The following ST3GAL6 variants were observed in gnomAD, a reference collection of about 807,000 sequenced individuals.
ST3GAL6 encodes the protein type 2 lactosamine alpha-2,3-sialyltransferase.
A neutral mutation model predicts 40.5 loss-of-function variants in ST3GAL6; 31 were observed. That is an observed-to-expected ratio of 0.77 (90% CI 0.58 to 1.03). ST3GAL6 has a LOEUF of 1.03. Among genes scored for constraint, ST3GAL6 ranks in the 50% least tolerant of loss-of-function variants. ST3GAL6 has a pLI of 0.00. For missense variants in ST3GAL6, 357 were observed against 393.2 expected, an observed-to-expected ratio of 0.91 and a Z score of 0.78; for synonymous variants, 129 against 136.9, an observed-to-expected ratio of 0.94 and a Z score of 0.40.
chr3:98,734,696 A>T (rs377656068), intron 1 of ST3GAL6, among the ~76,000 whole-genome samples: 12 of 152,294 alleles, frequency 7.9e-5, no homozygotes, highest in Middle Eastern at 3.4e-3. Context: ...ATAATAATAA[A>T]AAACCTTTGA....
intron 1 of ST3GAL6, among the ~76,000 whole-genome samples, chr3:98,764,597 C>T (rs1203203889): frequency 6.6e-6 from 1 of 152,166 alleles, no homozygotes; most frequent in Non-Finnish European, 1.5e-5. Flanking sequence ...TGTGAAAGCT[C>T]ACATCTAGGG....
At chr3:98,760,881 A>T (rs888585428), upstream of ST3GAL6, among the ~76,000 whole-genome samples, 1 of 152,262 alleles carries the variant, frequency 6.6e-6, no homozygotes, top group Non-Finnish European at 1.5e-5. Context: ...GATGCTATTT[A>T]GCAACAAAAA....
chr3:98,790,132 C>T (rs544424897), intron 8 of ST3GAL6, among the ~76,000 whole-genome samples: 2 of 152,120 alleles, frequency 1.3e-5, no homozygotes, highest in East Asian at 1.9e-4. Context: ...GAACAAGGAT[C>T]GTAGAAATGA....
intron 5 of ST3GAL6, chr3:98,782,963 C>T (rs1449426277): frequency 3.0e-6 from 1 of 335,224 alleles, no homozygotes; most frequent in Non-Finnish European, 5.9e-6. Flanking sequence ...TGGAAATGCT[C>T]AGAAGGTGCC....
intron 5 of ST3GAL6, chr3:98,782,287 C>A: frequency 1.4e-6 from 1 of 703,478 alleles, no homozygotes; most frequent in Non-Finnish European, 2.6e-6. Context: ...TTTTCCCAGT[C>A]ACTTTCAGAA....
intron 1 of ST3GAL6, among the ~76,000 whole-genome samples, chr3:98,742,012 C>G (rs1043967811): frequency 6.6e-6 from 1 of 152,128 alleles, no homozygotes; most frequent in Non-Finnish European, 1.5e-5. Flanking sequence ...GGCCTCGAAC[C>G]TTTCAGTACC....
chr3:98,757,531 G>A (rs1937512867), intron 1 of ST3GAL6, among the ~76,000 whole-genome samples: 2 of 152,136 alleles, frequency 1.3e-5, no homozygotes, highest in African/African-American at 2.4e-5. Context: ...TTGGTGATTT[G>A]TAAAGCTGTT....
intron 1 of ST3GAL6, among the ~76,000 whole-genome samples, chr3:98,739,987 C>T (rs1252090828): frequency 6.6e-6 from 1 of 152,126 alleles, no homozygotes; most frequent in Non-Finnish European, 1.5e-5. Flanking sequence ...AGATAAAGGA[C>T]ATTGCTGTCA....
chr3:98,746,719 A>T (rs1412401270), intron 1 of ST3GAL6, among the ~76,000 whole-genome samples: 6 of 152,016 alleles, frequency 3.9e-5, no homozygotes, highest in African/African-American at 1.4e-4. Flanking sequence ...ATGCAATATT[A>T]TTTATTTTAT....
chr3:98,746,931 T>C (rs1008093402), intron 1 of ST3GAL6, among the ~76,000 whole-genome samples: 2 of 152,224 alleles, frequency 1.3e-5, no homozygotes, highest in African/African-American at 4.8e-5. Context: ...AAGTAGATCA[T>C]TGTTTATAGT....
intron 1 of ST3GAL6, among the ~76,000 whole-genome samples, chr3:98,765,827 A>G (rs1424183365): frequency 6.6e-6 from 1 of 152,228 alleles, no homozygotes; most frequent in Non-Finnish European, 1.5e-5. Flanking sequence ...TTAAAAGCAG[A>G]TAACCTCTTA....
intron 1 of ST3GAL6, among the ~76,000 whole-genome samples, chr3:98,740,213 T>C (rs1017059015): frequency 1.3e-5 from 2 of 149,450 alleles, no homozygotes; most frequent in African/African-American, 2.5e-5. Context: ...CTGGCTCTCT[T>C]ATTGCAAAAC....
chr3:98,746,325 T>G (rs1163023581), intron 1 of ST3GAL6, among the ~76,000 whole-genome samples: 1 of 152,072 alleles, frequency 6.6e-6, no homozygotes, highest in Non-Finnish European at 1.5e-5. Context: ...ATTGTTCTAG[T>G]AGGTTGTGAA....
chr3:98,759,979 A>C (rs1206719572), upstream of ST3GAL6, among the ~76,000 whole-genome samples: 2 of 152,260 alleles, frequency 1.3e-5, no homozygotes, highest in South Asian at 2.1e-4. Flanking sequence ...AAAACAAAAA[A>C]CAAAAAACAA....
At chr3:98,759,056 C>T (rs1220767553), upstream of ST3GAL6, among the ~76,000 whole-genome samples, 1 of 152,140 alleles carries the variant, frequency 6.6e-6, no homozygotes, top group Non-Finnish European at 1.5e-5. Flanking sequence ...TATGCTACTA[C>T]CTACAAAGAA....
At chr3:98,756,695 C>A in intron 1 of ST3GAL6, 1 of 537,682 alleles carries the variant, frequency 1.9e-6, no homozygotes, top group Non-Finnish European at 2.7e-6. Flanking sequence ...ACTAGTTTTG[C>A]AGCCTGGGGG....
intron 1 of ST3GAL6, among the ~76,000 whole-genome samples, chr3:98,741,039 G>A (rs1479540765): frequency 7.9e-6 from 1 of 127,004 alleles, no homozygotes; most frequent in Non-Finnish European, 1.7e-5. Flanking sequence ...TGGGCATATA[G>A]TAGAGGGATT....
chr3:98,764,125 T>A (rs886588085), intron 1 of ST3GAL6, among the ~76,000 whole-genome samples: 7 of 152,202 alleles, frequency 4.6e-5, no homozygotes, highest in Admixed American at 3.3e-4. Flanking sequence ...TGGTGTTGCA[T>A]ATTGACTGAG....
At chr3:98,733,159 T>C in intron 1 of ST3GAL6, 1 of 1,230,040 alleles carries the variant, frequency 8.1e-7, no homozygotes, top group Non-Finnish European at 1.0e-6. Flanking sequence ...CCTCCACATA[T>C]CCTGCCAGCA....
Sources: gnomAD v4.1 joint callset for allele counts (sites outside exome capture counted in the v4.1 genomes callset) on GRCh38, gnomAD v4.1.1 for gene constraint, MANE v1.5 for transcripts, NCBI Gene and HGNC (gene_info 2026-07-23, HGNC 2026-07-21) for gene names.